Variants in DYNC1I1 observed in about 807,000 individuals in gnomAD.
The protein encoded by DYNC1I1 is dynein cytoplasmic 1 intermediate chain 1.
In DYNC1I1, 43 loss-of-function variants were observed where a neutral mutation model predicts 86.6. The ratio of observed to expected loss-of-function variants is 0.50; its 90% confidence interval spans 0.39 to 0.64. DYNC1I1 has a LOEUF of 0.64. DYNC1I1 is among the 30% of genes least tolerant of loss of function. The pLI is 0.00. For missense variants in DYNC1I1, 604 were observed against 788.8 expected, an observed-to-expected ratio of 0.77 and a Z score of 2.81; for synonymous variants, 262 against 283.7, an observed-to-expected ratio of 0.92 and a Z score of 0.77.
chr7:95,796,907 G>C (rs1417860840), intron 1 of DYNC1I1, among the ~76,000 whole-genome samples: 2 of 151,370 alleles, frequency 1.3e-5, no homozygotes, highest in African/African-American at 4.9e-5. Context: ...CATTTGCAAT[G>C]ATGATATTAA....
intron 9 of DYNC1I1, among the ~76,000 whole-genome samples, chr7:95,994,967 G>A (rs1275180079): frequency 2.0e-5 from 3 of 152,128 alleles, no homozygotes; most frequent in Non-Finnish European, 2.9e-5. Context: ...AAATAAATGG[G>A]CCAGGCATGG....
intron 6 of DYNC1I1, among the ~76,000 whole-genome samples, chr7:95,924,512 A>G (rs1409261978): frequency 6.6e-6 from 1 of 152,190 alleles, no homozygotes; most frequent in Non-Finnish European, 1.5e-5. Context: ...GTGGCACTAG[A>G]AAATTTTAAA....
intron 6 of DYNC1I1, among the ~76,000 whole-genome samples, chr7:95,941,608 G>A (rs1024288012): frequency 5.9e-5 from 9 of 152,214 alleles, no homozygotes; most frequent in African/African-American, 2.2e-4. Context: ...CTCCGAGCCA[G>A]GTGCAGGATA....
At chr7:95,773,939 G>T (rs1435672763) in intron 1 of DYNC1I1, among the ~76,000 whole-genome samples, 1 of 152,126 alleles carries the variant, frequency 6.6e-6, no homozygotes, top group African/African-American at 2.4e-5. Flanking sequence ...CAAGCTGAGG[G>T]TACTGGTGAG....
chr7:96,106,191 G>A (rs983570151), intron 16 of DYNC1I1, among the ~76,000 whole-genome samples: 2 of 151,950 alleles, frequency 1.3e-5, no homozygotes, highest in Non-Finnish European at 2.9e-5. Context: ...TAGAAACTTA[G>A]ATCATTGATT....
At chr7:95,803,848 T>C (rs1794640712) in intron 1 of DYNC1I1, among the ~76,000 whole-genome samples, 1 of 152,220 alleles carries the variant, frequency 6.6e-6, no homozygotes, top group African/African-American at 2.4e-5. Flanking sequence ...GACTCAAATA[T>C]ATAATCATTG....
intron 13 of DYNC1I1, among the ~76,000 whole-genome samples, chr7:96,037,749 G>A (rs760215691): frequency 6.6e-5 from 10 of 151,994 alleles, no homozygotes; most frequent in Non-Finnish European, 1.5e-4. Flanking sequence ...TCAAAAGAAG[G>A]GTCCCTATGG....
At chr7:95,919,881 A>T (rs1485485691) in intron 6 of DYNC1I1, among the ~76,000 whole-genome samples, 3 of 152,236 alleles carry the variant, frequency 2.0e-5, no homozygotes, top group Non-Finnish European at 4.4e-5. Flanking sequence ...TATTCTCAAA[A>T]GTAGAAAATA....
chr7:95,909,873 G>A (rs770427519), intron 6 of DYNC1I1, among the ~76,000 whole-genome samples: 18 of 152,028 alleles, frequency 1.2e-4, no homozygotes, highest in Non-Finnish European at 2.2e-4. Context: ...TGAGACCTGC[G>A]TTACCTGGAC....
intron 12 of DYNC1I1, 97 bp downstream of exon 12, chr7:96,032,877 G>C: frequency 9.9e-7 from 1 of 1,012,302 alleles, no homozygotes. Context: ...TCACATCCTA[G>C]AGGAGCTAAA....
intron 5 of DYNC1I1, among the ~76,000 whole-genome samples, chr7:95,869,034 G>A (rs1005439648): frequency 3.3e-5 from 5 of 152,090 alleles, no homozygotes; most frequent in African/African-American, 4.8e-5. Flanking sequence ...GGAAAACAAC[G>A]GACCAAGACT....
chr7:95,888,755 C>A (rs1790662343), intron 6 of DYNC1I1, among the ~76,000 whole-genome samples: 1 of 152,168 alleles, frequency 6.6e-6, no homozygotes, highest in African/African-American at 2.4e-5. Context: ...AAAACAACAA[C>A]AATCAAAACA....
intron 10 of DYNC1I1, among the ~76,000 whole-genome samples, chr7:96,013,238 C>T (rs186514134): frequency 6.6e-6 from 1 of 152,164 alleles, no homozygotes; most frequent in East Asian, 1.9e-4. Context: ...TTGACCAACC[C>T]TTGCTGGCTT....
chr7:96,039,233 T>C, intron 13 of DYNC1I1, 44 bp from the exon 14 acceptor site: 1 of 1,575,368 alleles, frequency 6.3e-7, no homozygotes, highest in East Asian at 2.3e-5. Context: ...ATCATTGCTT[T>C]TCAGAGGTCA....
chr7:95,794,246 T>C (rs1181630393), intron 1 of DYNC1I1, among the ~76,000 whole-genome samples: 2 of 152,218 alleles, frequency 1.3e-5, no homozygotes, highest in Admixed American at 1.3e-4. Flanking sequence ...TAATTTCCAG[T>C]GACCCAATTC....
chr7:95,992,780 A>G (rs1296352007), intron 9 of DYNC1I1, among the ~76,000 whole-genome samples: 1 of 151,950 alleles, frequency 6.6e-6, no homozygotes, highest in Non-Finnish European at 1.5e-5. Flanking sequence ...CAACCTGGCT[A>G]ATTTTTGTAT....
intron 10 of DYNC1I1, among the ~76,000 whole-genome samples, chr7:95,999,963 A>C (rs1006997344): frequency 6.6e-6 from 1 of 152,204 alleles, no homozygotes; most frequent in African/African-American, 2.4e-5. Flanking sequence ...ATTAATTGAC[A>C]TTAACTTTGT....
intron 6 of DYNC1I1, among the ~76,000 whole-genome samples, chr7:95,957,322 T>C (rs1792743008): frequency 6.6e-6 from 1 of 152,126 alleles, no homozygotes; most frequent in Admixed American, 6.5e-5. Flanking sequence ...GGAAAGTGAA[T>C]TTCAGAACAA....
intron 5 of DYNC1I1, among the ~76,000 whole-genome samples, chr7:95,838,635 A>T (rs1216103874): frequency 6.6e-6 from 1 of 152,162 alleles, no homozygotes; most frequent in East Asian, 1.9e-4. Flanking sequence ...GGCAGTATGG[A>T]CATTTTAATA....
Sources: allele counts gnomAD v4.1 joint callset (sites outside exome capture counted in the v4.1 genomes callset), GRCh38; gene constraint gnomAD v4.1.1; transcripts MANE v1.5; gene names NCBI Gene and HGNC (gene_info 2026-07-23, HGNC 2026-07-21).